The following USP14 variants were observed in gnomAD, a reference collection of about 807,000 sequenced individuals.
USP14 encodes the protein ubiquitin carboxyl-terminal hydrolase 14.
In USP14, 38 loss-of-function variants were observed where a neutral mutation model predicts 76.5. That is an observed-to-expected ratio of 0.50 (90% CI 0.38 to 0.65). The LOEUF is 0.65. USP14 is among the 30% of genes least tolerant of loss of function. The pLI is 0.00. For missense variants in USP14, 467 were observed against 586.5 expected (o/e 0.80, Z 2.10); for synonymous variants, 192 against 191.7 (o/e 1.00, Z -0.01).
chr18:178,048 C>T (rs1294805382), intron 3 of USP14, among the ~76,000 whole-genome samples: 1 of 152,082 alleles, frequency 6.6e-6, no homozygotes, highest in Non-Finnish European at 1.5e-5. Flanking sequence ...GAGACGGGGT[C>T]TCCCTCTGTC....
intron 13 of USP14, among the ~76,000 whole-genome samples, chr18:205,695 C>T (rs1306218781): frequency 2.0e-5 from 3 of 152,116 alleles, no homozygotes; most frequent in Admixed American, 6.6e-5. Context: ...ATGAGAGGAT[C>T]GCTTGAGACC....
At chr18:183,607 T>G (rs529961832) in intron 5 of USP14, among the ~76,000 whole-genome samples, 1 of 152,270 alleles carries the variant, frequency 6.6e-6, no homozygotes, top group Non-Finnish European at 1.5e-5. Flanking sequence ...TGTCTTACAT[T>G]TTACTGATTC....
chr18:183,833 T>C (rs1226137281), intron 5 of USP14, among the ~76,000 whole-genome samples: 1 of 152,128 alleles, frequency 6.6e-6, no homozygotes, highest in African/African-American at 2.4e-5. Flanking sequence ...TGTTTAAAGG[T>C]TGTGTGCTCA....
intron 13 of USP14, among the ~76,000 whole-genome samples, chr18:209,747 GTGTCTGTTAC>G (rs1910620592): frequency 1.3e-5 from 2 of 152,070 alleles, no homozygotes; most frequent in Admixed American, 6.6e-5. Context: ...CACATTCAGG[GTGTCTGTTAC>G]TGTACTGTAA....
chr18:190,949 A>G (rs1910068794), intron 5 of USP14, among the ~76,000 whole-genome samples: 1 of 152,102 alleles, frequency 6.6e-6, no homozygotes, highest in Admixed American at 6.5e-5. Flanking sequence ...ATTAAATTAC[A>G]TATGACCTTC....
chr18:181,740 C>T (rs1909794214), intron 5 of USP14, among the ~76,000 whole-genome samples: 1 of 152,004 alleles, frequency 6.6e-6, no homozygotes, highest in African/African-American at 2.4e-5. Context: ...GTAGTTTAAT[C>T]TTAATTTTAA....
chr18:163,248 A>C, intron 1 of USP14, 60 bp from the exon 2 acceptor site: 1 of 1,485,364 alleles, frequency 6.7e-7, no homozygotes, highest in South Asian at 1.3e-5. Flanking sequence ...TGATCTTCTA[A>C]GGGTCTGTAA....
rs1323150762 is a variant in USP14 at position 212,429 on chromosome 18, C to A, written c.*1145C>A. ...AGACCAGCCTGGCCACATGGTGAAACCCTGTCTCTACTAAAGATATAAAAA... is the reference window on the plus strand; with the variant it reads ...AGACCAGCCTGGCCACATGGTGAAAACCTGTCTCTACTAAAGATATAAAAA... On this transcript the variant is annotated 3_prime_UTR_variant, in exon 16 of 16. Coordinates refer to ENST00000261601, the MANE Select transcript of USP14 (RefSeq NM_005151.4). The A allele has an allele frequency of 6.6e-6, 1 of 152,052 alleles. No individual in the cohort carries two copies. The highest frequency in any genetic ancestry group is 2.4e-5 in the African/African-American group (1 of 41,370). 9.4% of individuals were successfully genotyped at this position (152,052 alleles called of 1,614,324 possible).
Position 214,002 on chromosome 18 carries a change from A to ATAGATAGATAGATAGATAGATGATGAT in USP14, c.*2719_*2720insAGATAGATAGATAGATAGATGATGATT, listed in dbSNP as rs1555603868. 1.6e-5 allele frequency: 2 copies of ATAGATAGATAGATAGATAGATGATGAT among 125,184 alleles called. No individual in the cohort carries two copies. Among genetic ancestry groups the ATAGATAGATAGATAGATAGATGATGAT allele is most frequent in the Non-Finnish European group, 3.5e-5 (2 of 56,804 alleles). 7.8% of individuals were successfully genotyped at this position (125,184 alleles called of 1,614,324 possible). ...AGATAGATAGATAGATAGATAGATG[A>ATAGATAGATAGATAGATAGATGATGAT]TGATTGATTGATGATTGATAGTAAA... On this transcript the variant is annotated 3_prime_UTR_variant, in exon 16 of 16. Coordinates refer to ENST00000261601, the MANE Select transcript of USP14 (RefSeq NM_005151.4).
In USP14 at chr18:176,545, G is replaced by T. The variant is rs1029989642; in HGVS notation, c.196-2388G>T. Among the ~76,000 whole-genome samples the T allele has an allele frequency of 2.0e-5, 3 of 151,978 alleles. No homozygotes were observed. The East Asian group carries it at 5.8e-4, about 29-fold the overall frequency. On this transcript the variant is annotated intron_variant, in intron 3 of 15. Coordinates refer to ENST00000261601, the MANE Select transcript of USP14 (RefSeq NM_005151.4). ...TTTTAAATCTCTTTTGCTCATTTTT[G>T]TAGTATGTATTTGCTTTTTCTTATA...
intron 3 of USP14, among the ~76,000 whole-genome samples, chr18:175,450 A>G (rs933467500): frequency 1.3e-5 from 2 of 152,198 alleles, no homozygotes; most frequent in Admixed American, 1.3e-4. Context: ...TTTGTCACGA[A>G]TGGAAGTTGA....
chr18:174,829 G>A (rs1228864683), intron 3 of USP14, among the ~76,000 whole-genome samples: 1 of 152,076 alleles, frequency 6.6e-6, no homozygotes, highest in African/African-American at 2.4e-5. Flanking sequence ...AGGCTGGAGT[G>A]CAGTGACGTG....
intron 9 of USP14, among the ~76,000 whole-genome samples, chr18:198,796 T>G: frequency 6.6e-6 from 1 of 152,114 alleles, no homozygotes; most frequent in Non-Finnish European, 1.5e-5. Flanking sequence ...ATTTTTTAAT[T>G]TTATAAAAGG....
chr18:176,821 C>T (rs368435996), intron 3 of USP14, among the ~76,000 whole-genome samples: 16 of 152,026 alleles, frequency 1.1e-4, no homozygotes, highest in African/African-American at 3.9e-4. Context: ...AAGTAGAGAG[C>T]TGATAGTATG....
intron 3 of USP14, among the ~76,000 whole-genome samples, chr18:171,025 A>AATATATATATATATATAT (rs57888885): frequency 1.1e-3 from 51 of 47,618 alleles, no homozygotes; most frequent in East Asian, 5.5e-3. Flanking sequence ...AAAAAAAAAA[A>AATATATATATATATATAT]ATATATATAT....
In USP14 at chr18:161,206, G is replaced by A. The variant is rs190719674; in HGVS notation, c.17-2102G>A. 1.2e-3 allele frequency among the ~76,000 whole-genome samples: 185 copies of A among 152,292 alleles called. 1 individual carries two copies. The highest frequency in any genetic ancestry group is 4.4e-3 in the African/African-American group (181 of 41,566). On this transcript the variant is annotated intron_variant, in intron 1 of 15. Transcript: ENST00000261601. The stretch of plus-strand genomic sequence containing the variant: ...GCCTTCCAAAGTGCTGGGATTACAG[G>A]CATGAGCCACCATTCCCGGCCTCTT...
At chr18:178,255 C>A (rs948397287) in intron 3 of USP14, among the ~76,000 whole-genome samples, 1 of 152,050 alleles carries the variant, frequency 6.6e-6, no homozygotes, top group Non-Finnish European at 1.5e-5. Flanking sequence ...GGACTCCAAC[C>A]ATCCACTAGC....
At chr18:169,560 G>A (rs1219573460) in intron 3 of USP14, among the ~76,000 whole-genome samples, 1 of 151,738 alleles carries the variant, frequency 6.6e-6, no homozygotes, top group East Asian at 1.9e-4. Context: ...TTTCTGGGAT[G>A]TGCAGTTCTC....
At chr18:169,360 CAAAA>C (rs11336218) in intron 3 of USP14, among the ~76,000 whole-genome samples, 15 of 79,348 alleles carry the variant, frequency 1.9e-4, no homozygotes, top group East Asian at 3.8e-4. Context: ...GACTCTACCT[CAAAA>C]AAAAAAAAAA....
Sources: allele counts gnomAD v4.1 joint callset (sites outside exome capture counted in the v4.1 genomes callset), GRCh38; gene constraint gnomAD v4.1.1; transcripts MANE v1.5; gene names NCBI Gene and HGNC (gene_info 2026-07-23, HGNC 2026-07-21).